Variants in SNX29 observed in about 807,000 individuals in gnomAD.
SNX29 encodes the protein sorting nexin-29.
A neutral mutation model predicts 102.1 loss-of-function variants in SNX29; 78 were observed. That is an observed-to-expected ratio of 0.76 (90% confidence interval 0.64 to 0.92). The LOEUF (loss-of-function observed/expected upper bound fraction) is 0.92, where lower values mean the gene tolerates loss of function less well. Among genes scored for constraint, SNX29 ranks in the 40% least tolerant of loss-of-function variants. The pLI, the probability that SNX29 is intolerant of heterozygous loss-of-function variation, is 0.00. For synonymous variants in SNX29, 580 were observed against 414.5 expected, an observed-to-expected ratio of 1.40 and a Z score of -4.85; for missense variants, 1,280 against 1,061.7, an observed-to-expected ratio of 1.21 and a Z score of -2.86.
At chr16:12,269,369 C>A (rs760767318) in intron 14 of SNX29, among the ~76,000 whole-genome samples, 1 of 152,202 alleles carries the variant, frequency 6.6e-6, no homozygotes, top group Non-Finnish European at 1.5e-5. Flanking sequence ...CAGACTGAAT[C>A]CTGCTTGGAG....
At chr16:12,338,251 ACTTT>A (rs1205876042) in intron 15 of SNX29, among the ~76,000 whole-genome samples, 2 of 152,136 alleles carry the variant, frequency 1.3e-5, no homozygotes, top group Non-Finnish European at 2.9e-5. Context: ...AGTCCAGTAG[ACTTT>A]CTTAAGCAGT....
intron 7 of SNX29, among the ~76,000 whole-genome samples, chr16:12,049,499 C>G (rs1437210329): frequency 2.0e-5 from 3 of 151,956 alleles, no homozygotes; most frequent in Non-Finnish European, 4.4e-5. Context: ...TGCGTGGTTT[C>G]TTTTTGTATT....
At chr16:12,529,712 T>C (rs2076881176) in intron 20 of SNX29, among the ~76,000 whole-genome samples, 1 of 152,006 alleles carries the variant, frequency 6.6e-6, no homozygotes, top group African/African-American at 2.4e-5. Context: ...CTCTTAGGGT[T>C]GTGAAATATA....
rs557721050 is a variant in SNX29, at chr16:12,561,253, C to T, written c.2319-7253C>T. 1.1e-4 allele frequency: 26 copies of T among 230,242 alleles called. No homozygotes were observed. The East Asian group carries it at 1.5e-3, about 13-fold the overall frequency. The allele number at this position is 230,242 out of a possible 1,614,324, so 14.3% of individuals were successfully genotyped here. A position where few individuals can be genotyped will look rare whatever the true frequency, so the allele number is the denominator to read the frequency against. On this transcript the variant is annotated intron_variant, in intron 20 of 20. Transcript: ENST00000566228. ...GGCAGAGCAAGGCCACTCCCTCCCA[C>T]TCCACAGATCCAAGGGGCTAAGACA...
chr16:12,105,837 C>G (rs1182284310), intron 11 of SNX29, among the ~76,000 whole-genome samples: 1 of 152,074 alleles, frequency 6.6e-6, no homozygotes, highest in Non-Finnish European at 1.5e-5. Flanking sequence ...CTGCAAAGCT[C>G]TTTTTGGGCG....
intron 20 of SNX29, among the ~76,000 whole-genome samples, chr16:12,562,612 G>T (rs1462233285): frequency 1.3e-5 from 2 of 152,186 alleles, no homozygotes; most frequent in African/African-American, 4.8e-5. Flanking sequence ...GCTGGCTCTT[G>T]AGAGCTACAG....
chr16:12,434,818 C>G (rs2151642349), intron 18 of SNX29, among the ~76,000 whole-genome samples: 1 of 152,170 alleles, frequency 6.6e-6, no homozygotes, highest in East Asian at 1.9e-4. Context: ...CGGGGGGATG[C>G]CAGGCCTGAC....
At chr16:12,433,630 C>CA (rs1235730528) in intron 18 of SNX29, among the ~76,000 whole-genome samples, 2,055 of 55,074 alleles carry the variant, frequency 0.037, 29 homozygotes, top group African/African-American at 0.061. Context: ...GACTGCGTCT[C>CA]AAAAAAAAAA....
chr16:12,527,255 C>T (rs767898715), intron 20 of SNX29: 13 of 532,716 alleles, frequency 2.4e-5, no homozygotes, highest in Admixed American at 6.7e-5. Flanking sequence ...CCCGTGCTGA[C>T]GAATCTCCAT....
intron 16 of SNX29, among the ~76,000 whole-genome samples, chr16:12,388,667 CTGTG>C (rs1204091605): frequency 1.1e-4 from 16 of 152,358 alleles, no homozygotes; most frequent in African/African-American, 3.8e-4. Flanking sequence ...CTGAGTGGGA[CTGTG>C]TTCCCATAAA....
At chr16:12,417,972 T>C (rs1384821236) in intron 18 of SNX29, among the ~76,000 whole-genome samples, 1 of 152,146 alleles carries the variant, frequency 6.6e-6, no homozygotes, top group African/African-American at 2.4e-5. Flanking sequence ...ATTGAGTCTC[T>C]GAGCTCCTGG....
chr16:12,402,132 A>C (rs1171206663), intron 17 of SNX29, among the ~76,000 whole-genome samples: 1 of 152,226 alleles, frequency 6.6e-6, no homozygotes, highest in African/African-American at 2.4e-5. Context: ...GATGGCTCAG[A>C]ATTGCAATGT....
At chr16:12,448,590 G>C (rs545858313) in intron 18 of SNX29, among the ~76,000 whole-genome samples, 1 of 152,082 alleles carries the variant, frequency 6.6e-6, no homozygotes, top group East Asian at 1.9e-4. Context: ...GTTCTGAGAA[G>C]TTGATGAGAA....
chr16:12,376,859 G>A (rs969716938), intron 16 of SNX29, among the ~76,000 whole-genome samples: 7 of 151,016 alleles, frequency 4.6e-5, no homozygotes, highest in East Asian at 3.9e-4. Context: ...TCTTTGCCCC[G>A]TTCTATCCTA....
intron 10 of SNX29, among the ~76,000 whole-genome samples, 163 bp downstream of exon 10, chr16:12,069,295 C>T (rs557425139): frequency 1.1e-4 from 16 of 152,082 alleles, no homozygotes; most frequent in Admixed American, 6.5e-4. Context: ...AGATGGAGCC[C>T]GGTTCTGTTG....
At position 12,017,976 on chromosome 16, in the gene SNX29, G is replaced by C. The variant is rs542795660; in HGVS notation, c.123-9344G>C. ...GCAGGAGTGCAATGGCGCGATCTTG[G>C]CTCACTGCAACCCCAGCATCCCGGG... On this transcript the variant is annotated intron_variant, in intron 3 of 20. Coordinates refer to ENST00000566228, the MANE Select transcript of SNX29 (RefSeq NM_032167.5). 2.0e-5 allele frequency among the ~76,000 whole-genome samples: 3 copies of C among 152,094 alleles called. No individual in the cohort carries two copies. The South Asian group carries it at 6.2e-4, about 32-fold the overall frequency.
At chr16:11,989,093 C>A (rs1432955348) in intron 1 of SNX29, among the ~76,000 whole-genome samples, 1 of 152,106 alleles carries the variant, frequency 6.6e-6, no homozygotes. Flanking sequence ...CCTGCCTCAG[C>A]CTCTCAGTAG....
At chr16:12,105,018 A>G (rs1315799041) in intron 11 of SNX29, among the ~76,000 whole-genome samples, 5 of 152,328 alleles carry the variant, frequency 3.3e-5, no homozygotes, top group Admixed American at 2.0e-4. Context: ...TTCCTTCTGC[A>G]GGGTCCCTGC....
intron 14 of SNX29, among the ~76,000 whole-genome samples, chr16:12,231,706 G>A (rs1210295990): frequency 6.6e-6 from 1 of 152,024 alleles, no homozygotes; most frequent in Non-Finnish European, 1.5e-5. Context: ...CTTCTGTTTC[G>A]GGTTTCCATA....
Sources: allele counts gnomAD v4.1 joint callset (sites outside exome capture counted in the v4.1 genomes callset), GRCh38; gene constraint gnomAD v4.1.1; transcripts MANE v1.5; gene names NCBI Gene and HGNC (gene_info 2026-07-23, HGNC 2026-07-21).